Variants in COL23A1 observed in about 807,000 individuals in gnomAD.
COL23A1 encodes the protein collagen alpha-1(XXIII) chain.
In COL23A1, 97 loss-of-function variants were observed where a neutral mutation model predicts 99.3. That is an observed-to-expected ratio of 0.98 (90% CI 0.83 to 1.16). The LOEUF (loss-of-function observed/expected upper bound fraction) is 1.16, where lower values mean the gene tolerates loss of function less well. COL23A1 is among the 50% of genes most tolerant of loss of function. The pLI, the probability that COL23A1 is intolerant of heterozygous loss-of-function variation, is 0.00. For missense variants in COL23A1, 762 were observed against 757.4 expected, an observed-to-expected ratio of 1.01 and a Z score of -0.07; for synonymous variants, 320 against 308.2, an observed-to-expected ratio of 1.04 and a Z score of -0.40.
chr5:178,421,756 C>A (rs145874083), intron 2 of COL23A1, among the ~76,000 whole-genome samples: 1,973 of 152,298 alleles, frequency 0.013, 42 homozygotes, highest in African/African-American at 0.045. Flanking sequence ...GTAATCCCAG[C>A]TACTCAGAAG....
intron 2 of COL23A1, among the ~76,000 whole-genome samples, chr5:178,461,315 C>A (rs1756110330): frequency 6.6e-6 from 1 of 152,194 alleles, no homozygotes; most frequent in South Asian, 2.1e-4. Context: ...CCACAAGGGG[C>A]AGCCGCGGCA....
At chr5:178,519,966 G>A (rs1363620774) in intron 2 of COL23A1, among the ~76,000 whole-genome samples, 2 of 152,014 alleles carry the variant, frequency 1.3e-5, no homozygotes, top group Admixed American at 6.5e-5. Flanking sequence ...ATGGACAGAT[G>A]CATGGGTGGA....
chr5:178,457,214 T>C (rs1213651545), intron 2 of COL23A1, among the ~76,000 whole-genome samples: 2 of 152,086 alleles, frequency 1.3e-5, no homozygotes, highest in African/African-American at 2.4e-5. Context: ...ACATCATTCT[T>C]TTTTTCTTTT....
chr5:178,279,106 T>A (rs533599325), intron 5 of COL23A1, among the ~76,000 whole-genome samples: 1 of 152,356 alleles, frequency 6.6e-6, no homozygotes, highest in East Asian at 1.9e-4. Context: ...CCCTGCCTGC[T>A]GACTGCCCCT....
At chr5:178,342,270 G>A (rs1034924165) in intron 2 of COL23A1, among the ~76,000 whole-genome samples, 1 of 152,220 alleles carries the variant, frequency 6.6e-6, no homozygotes, top group African/African-American at 2.4e-5. Context: ...ATCTGGCCGG[G>A]TGACAGCTGG....
intron 2 of COL23A1, among the ~76,000 whole-genome samples, chr5:178,548,059 ACCCCCCCTCACC>A (rs1761805348): frequency 6.4e-5 from 1 of 15,628 alleles, no homozygotes; most frequent in Non-Finnish European, 1.2e-4. Context: ...ACACACACAT[ACCCCCCCTCACC>A]CCCACACACA....
At chr5:178,490,564 G>A (rs528167691) in intron 2 of COL23A1, among the ~76,000 whole-genome samples, 1 of 152,122 alleles carries the variant, frequency 6.6e-6, no homozygotes, top group South Asian at 2.1e-4. Context: ...ATGCCACTGA[G>A]CTGTACACAT....
chr5:178,287,290 C>T (rs1757209788), intron 5 of COL23A1, among the ~76,000 whole-genome samples: 2 of 152,208 alleles, frequency 1.3e-5, no homozygotes, highest in South Asian at 4.1e-4. Flanking sequence ...GCTGCCCGGA[C>T]TGCCTGGGAG....
chr5:178,302,074 C>T (rs1430801691), intron 3 of COL23A1, among the ~76,000 whole-genome samples: 2 of 135,896 alleles, frequency 1.5e-5, no homozygotes, highest in East Asian at 2.4e-4. Context: ...CTGTGTGTGC[C>T]GCTCTGTGTG....
chr5:178,448,691 G>A (rs1358852915), intron 2 of COL23A1, among the ~76,000 whole-genome samples: 1 of 152,102 alleles, frequency 6.6e-6, no homozygotes, highest in African/African-American at 2.4e-5. Context: ...CCATTCATGA[G>A]GGCAGTGCCC....
At chr5:178,583,605 G>A (rs921676418) in intron 1 of COL23A1, among the ~76,000 whole-genome samples, 1 of 152,198 alleles carries the variant, frequency 6.6e-6, no homozygotes, top group Non-Finnish European at 1.5e-5. Flanking sequence ...ACTGATAAAT[G>A]CAGGCAATCC....
At chr5:178,406,953 A>ATT (rs905662533) in intron 2 of COL23A1, among the ~76,000 whole-genome samples, 2 of 152,248 alleles carry the variant, frequency 1.3e-5, no homozygotes, top group African/African-American at 4.8e-5. Context: ...ACCCCTAGAC[A>ATT]TTATATATAC....
rs1276785666 is a variant in COL23A1, at chr5:178,263,335, T to C, written c.523-11A>G. 1 of 1,548,356 alleles carries C rather than the reference T, an allele frequency of 6.5e-7. No homozygotes were observed. The highest frequency in any genetic ancestry group is 1.9e-5 in the Admixed American group (1 of 52,124). On this transcript the variant is annotated splice_polypyrimidine_tract_variant and intron_variant, in intron 8 of 28. Coordinates refer to ENST00000390654, the MANE Select transcript of COL23A1 (RefSeq NM_173465.4). ...TTGTCCTTGGTCTCCCTGAAAGAGA[T>C]GGGGCTTGGCATGACTCTGAGGGGG...
At chr5:178,414,555 T>C (rs1420269701) in intron 2 of COL23A1, among the ~76,000 whole-genome samples, 2 of 152,146 alleles carry the variant, frequency 1.3e-5, no homozygotes, top group Non-Finnish European at 2.9e-5. Flanking sequence ...GCAGATCAAC[T>C]GAGGTCAGGA....
In COL23A1 at chr5:178,557,839, T is replaced by C. The variant is rs182401651; in HGVS notation, c.361+2843A>G. 2.1e-3 allele frequency among the ~76,000 whole-genome samples: 312 copies of C among 152,164 alleles called. 2 individuals are homozygous for C. The highest frequency in any genetic ancestry group is 6.8e-3 in the African/African-American group (283 of 41,518). On this transcript the variant is annotated intron_variant, in intron 2 of 28. Transcript: ENST00000390654. ...AAGACAAGGGGCTCATGGGCCGGCC[T>C]GCTGGGGTTTAGTGTTGATGAAGGT... is the stretch of plus-strand genomic sequence containing the variant.
intron 5 of COL23A1, among the ~76,000 whole-genome samples, chr5:178,272,184 C>G (rs978307702): frequency 4.6e-5 from 7 of 152,244 alleles, no homozygotes; most frequent in Non-Finnish European, 7.3e-5. Context: ...CAGCTCGTCC[C>G]CCGGGACAGC....
intron 4 of COL23A1, among the ~76,000 whole-genome samples, chr5:178,289,785 C>T (rs1581534993): frequency 6.6e-6 from 1 of 152,190 alleles, no homozygotes; most frequent in South Asian, 2.1e-4. Flanking sequence ...CAGGCTTGTG[C>T]GCTGGCTCTC....
At chr5:178,279,364 C>A (rs557205873) in intron 5 of COL23A1, among the ~76,000 whole-genome samples, 1 of 152,252 alleles carries the variant, frequency 6.6e-6, no homozygotes, top group Non-Finnish European at 1.5e-5. Context: ...GTGCCCACCA[C>A]AGATGCCCTT....
In COL23A1 at chr5:178,358,725, ATGTGTGTATGTGTATCTGTG is replaced by A. The variant is rs1204718092; in HGVS notation, c.362-51826_362-51807del. Among the ~76,000 whole-genome samples, 161 of 139,732 alleles carry A rather than the reference ATGTGTGTATGTGTATCTGTG, an allele frequency of 1.2e-3. 2 individuals are homozygous for A. Among genetic ancestry groups the A allele is most frequent in the African/African-American group, 3.0e-3 (107 of 35,176 alleles). The allele number at this position is 139,732 out of a possible 152,430, so 91.7% of individuals were successfully genotyped here. On this transcript the variant is annotated intron_variant, in intron 2 of 28. Coordinates refer to ENST00000390654, the MANE Select transcript of COL23A1 (RefSeq NM_173465.4). ...TGTATGTGTGTATGTGTGTATGTGTATGTGTGTATGTGTATCTGTGTGTGTATCTGTGTGTGTGTATGTGT... is the reference window on the plus strand; with the variant it reads ...TGTATGTGTGTATGTGTGTATGTGTATGTGTATCTGTGTGTGTGTATGTGT...
Sources: gnomAD v4.1 joint callset for allele counts (sites outside exome capture counted in the v4.1 genomes callset) on GRCh38, gnomAD v4.1.1 for gene constraint, MANE v1.5 for transcripts, NCBI Gene and HGNC (gene_info 2026-07-23, HGNC 2026-07-21) for gene names.